Variants in ZNF224 observed in about 807,000 individuals in gnomAD.
ZNF224 encodes the protein bone marrow zinc finger 2.
In ZNF224, 8 loss-of-function variants were observed where a neutral mutation model predicts 10.5. The observed-to-expected ratio is 0.76, with a 90% CI of 0.45 to 1.37. ZNF224 has a LOEUF of 1.37. ZNF224 is among the 40% of genes most tolerant of loss of function. The pLI is 0.00. For missense variants in ZNF224, 754 were observed against 854.0 expected, an observed-to-expected ratio of 0.88 and a Z score of 1.46; for synonymous variants, 282 against 287.8, an observed-to-expected ratio of 0.98 and a Z score of 0.20.
In ZNF224 at chr19:44,107,888, A is replaced by G. The variant is rs1351817001; in HGVS notation, c.1728A>G (p.Arg576=). 1.2e-6 allele frequency: 2 copies of G among 1,601,180 alleles called. No individual in the cohort carries two copies. The highest frequency in any genetic ancestry group is 1.7e-6 in the Non-Finnish European group (2 of 1,172,056). The change falls in exon 6 of 6, where the codon AGA becomes AGG. Residue 576 remains arginine (R), a synonymous_variant. Coordinates refer to ENST00000693561, the MANE Select transcript of ZNF224 (RefSeq NM_001321645.3). ...KPFKCEECGK[R]FTQNSQLHSH... ...TCAAATGTGAAGAGTGTGGGAAAAGATTTACTCAGAATTCACAGCTTCATT... is the reference window on the plus strand; with the variant it reads ...TCAAATGTGAAGAGTGTGGGAAAAGGTTTACTCAGAATTCACAGCTTCATT...
intron 2 of ZNF224, chr19:44,097,209 A>G (rs1279191318): frequency 6.2e-6 from 1 of 160,952 alleles, no homozygotes; most frequent in Non-Finnish European, 1.4e-5. Flanking sequence ...TTCTATCAAT[A>G]TGGCCTTAGA....
At position 44,106,822 on chromosome 19, in the gene ZNF224, C is replaced by T. The variant is rs201293616; in HGVS notation, c.662C>T (p.Thr221Ile). The change falls in exon 6 of 6, where the codon ACT becomes ATT. Residue 221 changes from threonine (T) to isoleucine (I), a missense_variant. Transcript: ENST00000693561. Reference sequence around the variant, plus strand: ...TTCAGTCAGAGTTCACATCTGCAAACTCATCAGAGAGTCCACACTGGAGAG... The same window carrying T: ...TTCAGTCAGAGTTCACATCTGCAAATTCATCAGAGAGTCCACACTGGAGAG... ...KEFSQSSHLQ[T>I]HQRVHTGEKP... 175 of 1,613,672 alleles carry T rather than the reference C, an allele frequency of 1.1e-4. No homozygotes were observed. Among genetic ancestry groups the T allele is most frequent in the Non-Finnish European group, 2.2e-5 (26 of 1,179,828 alleles).
At chr19:44,103,521 C>G (rs1288073926) in intron 5 of ZNF224, among the ~76,000 whole-genome samples, 2 of 152,144 alleles carry the variant, frequency 1.3e-5, no homozygotes, top group African/African-American at 2.4e-5. Context: ...TGATACCTTT[C>G]TTGCTTGTCA....
At chr19:44,101,843 C>T (rs1967554127) in intron 5 of ZNF224, among the ~76,000 whole-genome samples, 1 of 152,162 alleles carries the variant, frequency 6.6e-6, no homozygotes, top group Non-Finnish European at 1.5e-5. Context: ...TGTCCATACT[C>T]CTTGGCTCTT....
Position 44,107,672 on chromosome 19 carries a change from A to T in ZNF224, c.1512A>T (p.Arg504Ser). 1 of 1,613,986 alleles carries T rather than the reference A, an allele frequency of 6.2e-7. No individual in the cohort carries two copies. Among genetic ancestry groups the T allele is most frequent in the Non-Finnish European group, 8.5e-7 (1 of 1,179,988 alleles). Residue 504 changes from arginine (R) to serine (S), a missense_variant, in exon 6 of 6, where the codon AGA becomes AGT. Physicochemically the swap from Arg to Ser is moderately radical, Grantham distance 110. Transcript: ENST00000693561. ...TQNSHLHSHQRVHTGEKPYKC... is the reference protein window; with the variant it reads ...TQNSHLHSHQSVHTGEKPYKC... ...ATTCACATCTTCATTCCCATCAGAG[A>T]GTTCACACTGGAGAAAAGCCATACA...
At chr19:44,103,989 C>T (rs1242860974) in intron 5 of ZNF224, among the ~76,000 whole-genome samples, 1 of 152,152 alleles carries the variant, frequency 6.6e-6, no homozygotes, top group Non-Finnish European at 1.5e-5. Context: ...CTGTGCCTAG[C>T]CTCTGGTCTT....
At chr19:44,103,649 G>A (rs974674664) in intron 5 of ZNF224, among the ~76,000 whole-genome samples, 1 of 151,900 alleles carries the variant, frequency 6.6e-6, no homozygotes, top group African/African-American at 2.4e-5. Context: ...TAAGTATAAA[G>A]GAGTATTTAT....
intron 5 of ZNF224, 139 bp downstream of exon 5, chr19:44,101,364 C>A: frequency 1.3e-6 from 1 of 790,136 alleles, no homozygotes; most frequent in Non-Finnish European, 2.0e-6. Context: ...CCTGGTGGCC[C>A]TGCCACCCGC....
At position 44,097,867 on chromosome 19, in the gene ZNF224, A is replaced by C; in HGVS notation, c.-7A>C. ...GACTCTGCAAGTTTCCAGAAGTAAG[A>C]GGGAAAATGACCACGTTCAAGGTGG... On this transcript the variant is annotated 5_prime_UTR_variant, in exon 3 of 6. Coordinates refer to ENST00000693561, the MANE Select transcript of ZNF224 (RefSeq NM_001321645.3). 6.2e-7 allele frequency: 1 copy of C among 1,614,034 alleles called. No individual in the cohort carries two copies. The highest frequency in any genetic ancestry group is 8.5e-7 in the Non-Finnish European group (1 of 1,179,964).
rs368852127 is a variant in ZNF224 at position 44,101,211 on chromosome 19, G to A, written c.221G>A (p.Arg74Lys). 1.6e-5 allele frequency: 26 copies of A among 1,613,968 alleles called. No individual in the cohort carries two copies. The highest frequency in any genetic ancestry group is 2.1e-5 in the Non-Finnish European group (25 of 1,179,984). Residue 74 changes from arginine to lysine, a missense_variant, in exon 5 of 6, where the codon AGG becomes AAG. Transcript: ENST00000693561. ...TGGATGATGAAGACAGCAATCCAAA[G>A]GGAAGGGAATTCAGGTAAGAATCAA... ...KIWMMKTAIQREGNSGDKIQT... is the reference protein window; with the variant it reads ...KIWMMKTAIQKEGNSGDKIQT...
intron 5 of ZNF224, among the ~76,000 whole-genome samples, chr19:44,105,045 C>A (rs1165488501): frequency 6.6e-6 from 1 of 152,196 alleles, no homozygotes; most frequent in East Asian, 1.9e-4. Flanking sequence ...TAGTCAGTCT[C>A]CTGGGCCACT....
intron 3 of ZNF224, 123 bp downstream of exon 3, chr19:44,098,011 C>CA: frequency 1.0e-6 from 1 of 993,862 alleles, no homozygotes; most frequent in East Asian, 2.7e-5. Flanking sequence ...TCTTGTGTAC[C>CA]ATGTACTTCC....
chr19:44,100,683 C>T lies in ZNF224; in HGVS notation c.16-118C>T, dbSNP rs1967530182. The T allele has an allele frequency of 3.9e-6, 5 of 1,290,194 alleles. No individual in the cohort carries two copies. In the South Asian group the frequency reaches 6.1e-5, roughly 16 times the overall value. The allele number at this position is 1,290,194 out of a possible 1,614,324, so 79.9% of individuals were successfully genotyped here. ...AATGAGTAGGAAATCTACGAGTTGA[C>T]CTATGTCTCTCAAGATCCAAAACAA... On this transcript the variant is annotated intron_variant, in intron 3 of 5. Transcript: ENST00000693561.
intron 3 of ZNF224, among the ~76,000 whole-genome samples, chr19:44,099,235 A>G (rs1369797381): frequency 6.6e-6 from 1 of 152,050 alleles, no homozygotes; most frequent in Non-Finnish European, 1.5e-5. Context: ...CTGTCGTAGT[A>G]CCTCTTCCAT....
intron 2 of ZNF224, chr19:44,097,082 T>A: frequency 4.3e-6 from 1 of 234,624 alleles, no homozygotes; most frequent in African/African-American, 2.3e-5. Flanking sequence ...TTCTCCACTA[T>A]AAAGTTACTT....
chr19:44,109,817 G>A lies in ZNF224; in HGVS notation c.*1533G>A, dbSNP rs924974829. On this transcript the variant is annotated 3_prime_UTR_variant, in exon 6 of 6. Coordinates refer to ENST00000693561, the MANE Select transcript of ZNF224 (RefSeq NM_001321645.3). Reference sequence around the variant, plus strand: ...ATAACCTAATCAAATAAATATCTTTGTGTGTTTTATGTTCTTTTGAGTGTT... The same window carrying A: ...ATAACCTAATCAAATAAATATCTTTATGTGTTTTATGTTCTTTTGAGTGTT... The A allele has an allele frequency of 1.7e-4, 26 of 152,170 alleles. No individual in the cohort carries two copies. Among genetic ancestry groups the A allele is most frequent in the Non-Finnish European group, 3.5e-4 (24 of 68,018 alleles). The allele number at this position is 152,170 out of a possible 1,614,324, so 9.4% of individuals were successfully genotyped here.
In ZNF224 at chr19:44,101,240, AC is replaced by A; in HGVS notation, c.235+16del. The A allele has an allele frequency of 6.2e-7, 1 of 1,610,302 alleles. No individual in the cohort carries two copies. Among genetic ancestry groups the A allele is most frequent in the South Asian group, 1.1e-5 (1 of 90,986 alleles). On this transcript the variant is annotated intron_variant, in intron 5 of 5. Transcript: ENST00000693561. ...AGGGAATTCAGGTAAGAATCAAGCAACTGTGAATCCCTGTATGTCTCTTCCA... is the reference window on the plus strand; with the variant it reads ...AGGGAATTCAGGTAAGAATCAAGCAATGTGAATCCCTGTATGTCTCTTCCA...
At chr19:44,097,088 T>C in intron 2 of ZNF224, 1 of 232,832 alleles carries the variant, frequency 4.3e-6, no homozygotes, top group Non-Finnish European at 8.9e-6. Context: ...ACTATAAAGT[T>C]ACTTAAAAAA....
chr19:44,102,014 T>G (rs896996384), intron 5 of ZNF224, among the ~76,000 whole-genome samples: 2 of 152,226 alleles, frequency 1.3e-5, no homozygotes, highest in Non-Finnish European at 2.9e-5. Flanking sequence ...TCTGGTTAAC[T>G]GACTAGCAAC....
Sources: gnomAD v4.1 joint callset for allele counts (sites outside exome capture counted in the v4.1 genomes callset) on GRCh38, gnomAD v4.1.1 for gene constraint, MANE v1.5 for transcripts, NCBI Gene and HGNC (gene_info 2026-07-23, HGNC 2026-07-21) for gene names.